The following ARHGEF9 variants were observed in gnomAD, a reference collection of about 807,000 sequenced individuals.
ARHGEF9 encodes the protein rho guanine nucleotide exchange factor 9.
Under a neutral mutation model 41.3 loss-of-function variants are expected in ARHGEF9, and 2 were observed. The observed-to-expected ratio is 0.05, with a 90% CI of 0.02 to 0.15. The LOEUF (loss-of-function observed/expected upper bound fraction) is 0.15. ARHGEF9 is among the 10% of genes least tolerant of loss of function. The probability of loss-of-function intolerance (pLI) is 1.00; values close to 1 mark genes in which losing one functional copy is unlikely to be tolerated. For missense variants in ARHGEF9, 225 were observed against 424.7 expected (o/e 0.53, Z 4.13); for synonymous variants, 160 against 154.4 (o/e 1.04, Z -0.27).
At chrX:63,692,286 G>T (rs1261402720) in intron 4 of ARHGEF9, among the ~76,000 whole-genome samples, 1 of 112,075 alleles carries the variant, frequency 8.9e-6, no homozygotes, top group Non-Finnish European at 1.9e-5. Flanking sequence ...CAGAATGAGA[G>T]AAAATATCTG....
At chrX:63,676,138 C>T (rs1400798396) in intron 5 of ARHGEF9, among the ~76,000 whole-genome samples, 1 of 112,116 alleles carries the variant, frequency 8.9e-6, no homozygotes, top group African/African-American at 3.2e-5. Context: ...AGTACCTCCT[C>T]CTAGTTCACA....
intron 3 of ARHGEF9, among the ~76,000 whole-genome samples, chrX:63,702,095 C>G (rs782389235): frequency 1.8e-5 from 2 of 112,238 alleles, no homozygotes; most frequent in African/African-American, 6.5e-5. Context: ...CTACAGCATG[C>G]CTAAGGAAGA....
chrX:63,781,564 C>T (rs1304092067), intron 1 of ARHGEF9, among the ~76,000 whole-genome samples: 2 of 111,883 alleles, frequency 1.8e-5, no homozygotes, highest in African/African-American at 3.2e-5. Flanking sequence ...GAGAAAGACA[C>T]GTATCATCTA....
At chrX:63,768,426 G>C (rs1235519040) in intron 1 of ARHGEF9, among the ~76,000 whole-genome samples, 1 of 112,187 alleles carries the variant, frequency 8.9e-6, no homozygotes, top group Non-Finnish European at 1.9e-5. Context: ...ATTGTGAATT[G>C]TGCTGTGATA....
At chrX:63,771,345 G>A (rs1293577314) in intron 1 of ARHGEF9, among the ~76,000 whole-genome samples, 2 of 111,861 alleles carry the variant, frequency 1.8e-5, no homozygotes, top group African/African-American at 6.5e-5. Flanking sequence ...CAAAACAATA[G>A]TACCAATGAC....
chrX:63,737,498 CA>C (rs1556423865), intron 1 of ARHGEF9, among the ~76,000 whole-genome samples: 1 of 111,924 alleles, frequency 8.9e-6, no homozygotes, highest in African/African-American at 3.2e-5. Context: ...TAAAAAAGGT[CA>C]GAAGACAAAA....
chrX:63,777,933 T>A (rs1182930334), intron 1 of ARHGEF9, among the ~76,000 whole-genome samples: 1 of 112,742 alleles, frequency 8.9e-6, no homozygotes, highest in Non-Finnish European at 1.9e-5. Flanking sequence ...CCATGGCTTT[T>A]CCAGGCACAC....
intron 8 of ARHGEF9, among the ~76,000 whole-genome samples, chrX:63,654,080 T>G (rs1231106767): frequency 1.9e-5 from 2 of 103,421 alleles, no homozygotes; most frequent in Non-Finnish European, 3.8e-5. Context: ...GTTCATGTGT[T>G]TTTTTTTTTT....
chrX:63,720,702 C>T (rs1231452500), intron 2 of ARHGEF9, among the ~76,000 whole-genome samples: 1 of 111,976 alleles, frequency 8.9e-6, no homozygotes, highest in African/African-American at 3.2e-5. Flanking sequence ...GCCCATGTTG[C>T]CTCAGTATTT....
At position 63,724,838 on chromosome X, in the gene ARHGEF9, GGGAT is replaced by G. The variant is rs1184184216; in HGVS notation, c.31-131_31-128del. 4.6e-6 allele frequency: 3 copies of G among 654,119 alleles called. 1 individual carries two copies. In the South Asian group the frequency reaches 7.7e-5, roughly 17 times the overall value. 53.9% of individuals were successfully genotyped at this position (654,119 alleles called of 1,213,427 possible). A position where few individuals can be genotyped will look rare whatever the true frequency, so the allele number is the denominator to read the frequency against. ...CAAGTGGTGAGAGATAGGGGTGAGG[GGGAT>G]GGCACTGGAACAAAAGTTCCATTAG... On this transcript the variant is annotated intron_variant, in intron 1 of 9. Transcript: ENST00000671741.
chrX:63,708,541 C>T (rs1556404467), intron 2 of ARHGEF9, among the ~76,000 whole-genome samples: 1 of 111,760 alleles, frequency 8.9e-6, no homozygotes, highest in African/African-American at 3.3e-5. Context: ...CAACTGCAGC[C>T]AAGTGAAAAC....
intron 1 of ARHGEF9, among the ~76,000 whole-genome samples, chrX:63,728,143 G>A (rs1488194074): frequency 8.9e-6 from 1 of 112,141 alleles, no homozygotes; most frequent in Non-Finnish European, 1.9e-5. Flanking sequence ...AACACAAGCC[G>A]GAGCAAAGGG....
At chrX:63,667,293 A>T (rs1251957304) in intron 6 of ARHGEF9, among the ~76,000 whole-genome samples, 1 of 111,831 alleles carries the variant, frequency 8.9e-6, no homozygotes, top group African/African-American at 3.3e-5. Context: ...CCAACTAGTT[A>T]GCTACAGGTC....
intron 1 of ARHGEF9, among the ~76,000 whole-genome samples, chrX:63,742,001 T>A (rs1375095408): frequency 1.8e-5 from 2 of 112,277 alleles, no homozygotes; most frequent in African/African-American, 6.5e-5. Flanking sequence ...CTGAACCAAT[T>A]TTCTTCCCCA....
At chrX:63,658,648 G>C (rs1437718364) in intron 7 of ARHGEF9, among the ~76,000 whole-genome samples, 2 of 111,713 alleles carry the variant, frequency 1.8e-5, no homozygotes, top group Non-Finnish European at 3.8e-5. Context: ...CTTGCTCCTG[G>C]GCCAGTGTTT....
intron 5 of ARHGEF9, among the ~76,000 whole-genome samples, chrX:63,676,504 C>A (rs1439536846): frequency 1.8e-5 from 2 of 112,276 alleles, no homozygotes; most frequent in Admixed American, 9.4e-5. Flanking sequence ...ACATTTCATT[C>A]TTTTACAGTT....
At chrX:63,722,087 A>C (rs782121654) in intron 2 of ARHGEF9, among the ~76,000 whole-genome samples, 6 of 112,403 alleles carry the variant, frequency 5.3e-5, no homozygotes, top group Non-Finnish European at 1.1e-4. Flanking sequence ...CCATTTTACA[A>C]GGAAGAAAAC....
At chrX:63,649,771 C>T (rs781865839) in intron 8 of ARHGEF9, among the ~76,000 whole-genome samples, 1 of 111,347 alleles carries the variant, frequency 9.0e-6, no homozygotes, top group East Asian at 2.8e-4. Flanking sequence ...ACCACTGATC[C>T]CACAGAAATA....
intron 2 of ARHGEF9, among the ~76,000 whole-genome samples, chrX:63,723,581 T>C (rs782302801): frequency 8.9e-6 from 1 of 112,248 alleles, no homozygotes; most frequent in Non-Finnish European, 1.9e-5. Context: ...AGTTTTCGCA[T>C]GTTTTATCTC....
Sources: gnomAD v4.1 joint callset for allele counts (sites outside exome capture counted in the v4.1 genomes callset) on GRCh38, gnomAD v4.1.1 for gene constraint, MANE v1.5 for transcripts, NCBI Gene and HGNC (gene_info 2026-07-23, HGNC 2026-07-21) for gene names.